The following CLVS1 variants were observed in gnomAD, a reference collection of about 807,000 sequenced individuals.
CLVS1 encodes clavesin-1.
CLVS1 carries 10 observed loss-of-function variants against 33.1 expected under a neutral mutation model. The ratio of observed to expected loss-of-function variants is 0.30; its 90% CI spans 0.19 to 0.51. CLVS1 has a LOEUF of 0.51. CLVS1 is among the 20% of genes least tolerant of loss of function. The probability of loss-of-function intolerance (pLI) is 0.97; values close to 1 mark genes in which losing one functional copy is unlikely to be tolerated. For missense variants in CLVS1, 343 were observed against 433.4 expected (o/e 0.79, Z 1.85); for synonymous variants, 163 against 166.1 (o/e 0.98, Z 0.14).
chr8:61,292,501 A>G (rs1810030957), intron 1 of CLVS1: 1 of 420,030 alleles, frequency 2.4e-6, no homozygotes, highest in Admixed American at 2.6e-5. Flanking sequence ...TCCTTAAAAA[A>G]GAGAATCTAT....
At chr8:60,976,618 A>T in the CLVS1 span, among the ~76,000 whole-genome samples, 1 of 152,272 alleles carries the variant, frequency 6.6e-6, no homozygotes, top group African/African-American at 2.4e-5. Context: ...CTTGAGCATC[A>T]GCTAGGAACG....
the CLVS1 span, among the ~76,000 whole-genome samples, chr8:61,012,855 T>C: frequency 6.6e-6 from 1 of 152,186 alleles, no homozygotes; most frequent in African/African-American, 2.4e-5. Flanking sequence ...AAACAAAACA[T>C]GTCCTGCTTG....
chr8:61,068,782 G>A (rs916453800), intron 1 of CLVS1, among the ~76,000 whole-genome samples: 1 of 152,070 alleles, frequency 6.6e-6, no homozygotes, highest in Non-Finnish European at 1.5e-5. Context: ...CTTGTCCTGT[G>A]CCCCTTCCTT....
upstream of CLVS1, among the ~76,000 whole-genome samples, chr8:61,286,976 A>T (rs1809795055): frequency 6.6e-6 from 1 of 152,220 alleles, no homozygotes; most frequent in Non-Finnish European, 1.5e-5. Flanking sequence ...GCTATATAAA[A>T]ATTAATGCTT....
At chr8:60,996,026 G>C in the CLVS1 span, among the ~76,000 whole-genome samples, 28 of 152,168 alleles carry the variant, frequency 1.8e-4, no homozygotes, top group African/African-American at 6.0e-4. Flanking sequence ...GTGGGGGTAG[G>C]GGGGAGGGAT....
chr8:61,481,298 G>T (rs200023075), intron 5 of CLVS1, among the ~76,000 whole-genome samples: 3 of 152,302 alleles, frequency 2.0e-5, no homozygotes, highest in Admixed American at 1.3e-4. Flanking sequence ...CAGTGTGAGC[G>T]ACGCAGAAGA....
At chr8:61,140,868 A>T (rs1262269454) in intron 2 of CLVS1, among the ~76,000 whole-genome samples, 3 of 152,154 alleles carry the variant, frequency 2.0e-5, no homozygotes, top group East Asian at 3.9e-4. Context: ...AATTTTTTTT[A>T]AATTAAAATT....
At chr8:61,272,746 A>G (rs1809473218) in intron 2 of CLVS1, among the ~76,000 whole-genome samples, 1 of 151,968 alleles carries the variant, frequency 6.6e-6, no homozygotes, top group Admixed American at 6.5e-5. Flanking sequence ...CATTCATTTC[A>G]TCTTCCATCA....
At chr8:61,416,432 A>T (rs1453054818) in intron 3 of CLVS1, among the ~76,000 whole-genome samples, 4 of 152,210 alleles carry the variant, frequency 2.6e-5, no homozygotes, top group Non-Finnish European at 4.4e-5. Context: ...TCCCAAGAGG[A>T]TCTGTCACTA....
the CLVS1 span, among the ~76,000 whole-genome samples, chr8:61,014,191 G>A: frequency 6.7e-6 from 1 of 150,310 alleles, no homozygotes; most frequent in Non-Finnish European, 1.5e-5. Flanking sequence ...AATATCACTT[G>A]GTTAAAGTAA....
chr8:61,094,768 A>T (rs1345622317), intron 1 of CLVS1, among the ~76,000 whole-genome samples: 1 of 152,182 alleles, frequency 6.6e-6, no homozygotes, highest in Admixed American at 6.5e-5. Context: ...CCAAGGAGAG[A>T]GGCCTCAGAT....
intron 2 of CLVS1, among the ~76,000 whole-genome samples, chr8:61,228,727 T>C (rs893891736): frequency 6.6e-6 from 1 of 152,362 alleles, no homozygotes; most frequent in East Asian, 1.9e-4. Flanking sequence ...TAACAGACTT[T>C]CCTTTTTTAA....
intron 3 of CLVS1, among the ~76,000 whole-genome samples, chr8:61,420,270 T>G (rs1366354618): frequency 6.6e-6 from 1 of 152,116 alleles, no homozygotes; most frequent in Non-Finnish European, 1.5e-5. Context: ...TGACATATGG[T>G]AAATACCCAG....
chr8:61,221,053 A>G (rs961199138), intron 2 of CLVS1, among the ~76,000 whole-genome samples: 2 of 152,204 alleles, frequency 1.3e-5, no homozygotes, highest in African/African-American at 4.8e-5. Context: ...GACTTCGCTG[A>G]AGTTGCTTAT....
intron 1 of CLVS1, among the ~76,000 whole-genome samples, chr8:61,067,988 T>TGA (rs35869191): frequency 0.33 from 46,836 of 142,938 alleles, 8,039 homozygotes; most frequent in East Asian, 0.57. Flanking sequence ...AACTTGATAT[T>TGA]GAGAGAGAGA....
At chr8:61,496,052 T>C (rs571983678) in intron 5 of CLVS1, among the ~76,000 whole-genome samples, 2 of 152,274 alleles carry the variant, frequency 1.3e-5, no homozygotes, top group South Asian at 4.2e-4. Flanking sequence ...AAGGAAGAAT[T>C]TTCTAGCTGA....
chr8:61,473,341 TAAAAAAAAAAAAA>T (rs58281654), intron 5 of CLVS1, among the ~76,000 whole-genome samples: 20 of 96,232 alleles, frequency 2.1e-4, no homozygotes, highest in Admixed American at 5.8e-4. Flanking sequence ...TCACGGAATT[TAAAAAAAAAAAAA>T]AAAAAAAAAA....
At chr8:61,067,988 TGA>T (rs35869191) in intron 1 of CLVS1, among the ~76,000 whole-genome samples, 30 of 143,038 alleles carry the variant, frequency 2.1e-4, no homozygotes, top group Non-Finnish European at 1.8e-4. Flanking sequence ...AACTTGATAT[TGA>T]GAGAGAGAGA....
intron 2 of CLVS1, among the ~76,000 whole-genome samples, chr8:61,156,026 C>T (rs191185943): frequency 3.0e-4 from 45 of 152,124 alleles, no homozygotes; most frequent in Middle Eastern, 3.4e-3. Context: ...CCAGCCTGGC[C>T]AAAATGGTGA....
Sources: gnomAD v4.1 joint callset for allele counts (sites outside exome capture counted in the v4.1 genomes callset) on GRCh38, gnomAD v4.1.1 for gene constraint, MANE v1.5 for transcripts, NCBI Gene and HGNC (gene_info 2026-07-23, HGNC 2026-07-21) for gene names.